TRPC4: variants seen among roughly 807,000 people sequenced by gnomAD.
The protein encoded by TRPC4 is transient receptor potential cation channel subfamily C member 4.
TRPC4 carries 49 observed loss-of-function variants against 99.4 expected under a neutral mutation model. The ratio of observed to expected loss-of-function variants is 0.49; its 90% confidence interval spans 0.39 to 0.63. TRPC4 has a LOEUF of 0.63. TRPC4 is among the 20% of genes least tolerant of loss of function. The pLI is 0.00. For synonymous variants in TRPC4, 454 were observed against 425.9 expected (o/e 1.07, Z -0.81); for missense variants, 898 against 1,152.9 (o/e 0.78, Z 3.20).
At chr13:37,761,734 A>T (rs1956225853) in intron 2 of TRPC4, among the ~76,000 whole-genome samples, 1 of 151,862 alleles carries the variant, frequency 6.6e-6, no homozygotes, top group African/African-American at 2.4e-5. Context: ...TAGGAGCAAG[A>T]CCAGAAAACT....
chr13:37,782,917 G>T, intron 2 of TRPC4, 39 bp downstream of exon 2: 1 of 1,398,208 alleles, frequency 7.2e-7, no homozygotes. Context: ...AAAACCTTCT[G>T]CAGGTAAAAT....
chr13:37,815,303 C>G (rs1312052305), intron 1 of TRPC4, among the ~76,000 whole-genome samples: 1 of 151,766 alleles, frequency 6.6e-6, no homozygotes, highest in Non-Finnish European at 1.5e-5. Flanking sequence ...CTAAATGTCT[C>G]ACTCAAAAGG....
At chr13:37,809,819 T>C (rs911653497) in intron 1 of TRPC4, among the ~76,000 whole-genome samples, 18 of 152,114 alleles carry the variant, frequency 1.2e-4, no homozygotes, top group Admixed American at 6.6e-4. Context: ...TGTTATTATA[T>C]AGCCTGAATG....
chr13:37,768,981 A>G (rs966514279), intron 2 of TRPC4, among the ~76,000 whole-genome samples: 1 of 151,458 alleles, frequency 6.6e-6, no homozygotes, highest in African/African-American at 2.4e-5. Context: ...CCAAAGAAAT[A>G]TAGATCATGG....
chr13:37,640,240 A>G (rs1323385013), intron 8 of TRPC4, among the ~76,000 whole-genome samples: 1 of 152,120 alleles, frequency 6.6e-6, no homozygotes, highest in Non-Finnish European at 1.5e-5. Flanking sequence ...GGGATGATAT[A>G]CCTTGGTTTT....
chr13:37,702,645 A>G (rs926702993), intron 3 of TRPC4, among the ~76,000 whole-genome samples: 2 of 152,096 alleles, frequency 1.3e-5, no homozygotes, highest in Non-Finnish European at 2.9e-5. Context: ...AAATTTTCTT[A>G]TTTTGTCACA....
intron 3 of TRPC4, among the ~76,000 whole-genome samples, chr13:37,745,457 T>TATATACGCATATATATATATATATATGC (rs1955720399): frequency 3.7e-4 from 3 of 8,022 alleles, no homozygotes; most frequent in Non-Finnish European, 1.5e-3. Context: ...TATATATATA[T>TATATACGCATATATATATATATATATGC]ATATATATAT....
chr13:37,702,367 C>G (rs905165318), intron 3 of TRPC4, among the ~76,000 whole-genome samples: 6 of 152,252 alleles, frequency 3.9e-5, no homozygotes, highest in South Asian at 2.1e-4. Context: ...TCCATAGTTA[C>G]TCATTTTCTA....
intron 3 of TRPC4, among the ~76,000 whole-genome samples, chr13:37,707,905 T>G (rs988647408): frequency 1.2e-4 from 18 of 152,252 alleles, no homozygotes; most frequent in African/African-American, 3.9e-4. Context: ...AAGCCAGAGA[T>G]GTAGGTCCCA....
intron 2 of TRPC4, among the ~76,000 whole-genome samples, chr13:37,758,322 G>C (rs1956144438): frequency 6.6e-6 from 1 of 151,700 alleles, no homozygotes; most frequent in Admixed American, 6.6e-5. Context: ...GATATTTTTA[G>C]CTATCATTCA....
At chr13:37,673,780 G>T (rs891060771) in intron 5 of TRPC4, among the ~76,000 whole-genome samples, 1 of 152,124 alleles carries the variant, frequency 6.6e-6, no homozygotes, top group East Asian at 1.9e-4. Flanking sequence ...ATATCAAATT[G>T]TATTAGTTTA....
intron 1 of TRPC4, among the ~76,000 whole-genome samples, chr13:37,839,694 T>G (rs529539064): frequency 6.6e-6 from 1 of 152,276 alleles, no homozygotes; most frequent in South Asian, 2.1e-4. Context: ...TTAGGTAACT[T>G]ATACTAGGTT....
At position 37,638,284 on chromosome 13, in the gene TRPC4, T is replaced by C. The variant is rs946877665; in HGVS notation, c.2212-659A>G. Reference sequence around the variant, plus strand: ...TAAAGCAACATGAATCATTTAATATTACAATTTGAACTTTATGGCTGTGAA... The same window carrying C: ...TAAAGCAACATGAATCATTTAATATCACAATTTGAACTTTATGGCTGTGAA... On this transcript the variant is annotated intron_variant, in intron 10 of 10. Transcript: ENST00000379705. 3.3e-5 allele frequency among the ~76,000 whole-genome samples: 5 copies of C among 152,248 alleles called. No individual in the cohort carries two copies. The Middle Eastern group carries it at 0.01, about 311-fold the overall frequency.
At chr13:37,757,879 G>A (rs985007549) in intron 2 of TRPC4, among the ~76,000 whole-genome samples, 31 of 151,918 alleles carry the variant, frequency 2.0e-4, no homozygotes, top group Admixed American at 3.9e-4. Context: ...AATTATGTAT[G>A]ATTAAATATA....
chr13:37,863,271 T>C (rs1392361382), intron 1 of TRPC4, among the ~76,000 whole-genome samples: 4 of 151,646 alleles, frequency 2.6e-5, no homozygotes, highest in Non-Finnish European at 3.0e-5. Flanking sequence ...AAGTCATTCA[T>C]TGCAAATCTA....
chr13:37,733,903 T>C (rs1008499873), intron 3 of TRPC4, among the ~76,000 whole-genome samples: 1 of 152,110 alleles, frequency 6.6e-6, no homozygotes, highest in Non-Finnish European at 1.5e-5. Flanking sequence ...AATTGTGATA[T>C]AAAAGGGAAT....
chr13:37,833,658 T>C (rs971905783), intron 1 of TRPC4, among the ~76,000 whole-genome samples: 49 of 152,274 alleles, frequency 3.2e-4, no homozygotes, highest in African/African-American at 1.0e-3. Flanking sequence ...AGAAGTAAGA[T>C]ATTTCTGGCA....
rs80231090 is a variant in TRPC4, at chr13:37,796,978, G to T, written c.-27-13618C>A. On this transcript the variant is annotated intron_variant, in intron 1 of 10. Coordinates refer to ENST00000379705, the MANE Select transcript of TRPC4 (RefSeq NM_016179.4). ...ATAAAATAAAATAAAATAAAGTAAA[G>T]TAAAGTAAAGTAAAGTAAAGTAAAG... 8.6e-5 allele frequency among the ~76,000 whole-genome samples: 7 copies of T among 81,062 alleles called. No individual in the cohort carries two copies. In the East Asian group the frequency reaches 2.8e-3, roughly 32 times the overall value. The allele number at this position is 81,062 out of a possible 152,430, so 53.2% of individuals were successfully genotyped here.
At chr13:37,741,686 T>G (rs1441102939) in intron 3 of TRPC4, among the ~76,000 whole-genome samples, 1 of 152,174 alleles carries the variant, frequency 6.6e-6, no homozygotes, top group East Asian at 1.9e-4. Flanking sequence ...CATGTCAAAA[T>G]GCAAGGCTTT....
Sources: allele counts gnomAD v4.1 joint callset (sites outside exome capture counted in the v4.1 genomes callset), GRCh38; gene constraint gnomAD v4.1.1; transcripts MANE v1.5; gene names NCBI Gene and HGNC (gene_info 2026-07-23, HGNC 2026-07-21).